TMEM108: variants seen among roughly 807,000 people sequenced by gnomAD.
The protein encoded by TMEM108 is cancer/testis antigen 124.
In TMEM108, 12 loss-of-function variants were observed where a neutral mutation model predicts 35.1. The observed-to-expected ratio is 0.34, with a 90% CI of 0.22 to 0.55. The LOEUF (loss-of-function observed/expected upper bound fraction) is 0.55, where lower values mean the gene tolerates loss of function less well. TMEM108 is among the 20% of genes least tolerant of loss of function. The pLI is 0.89. For missense variants in TMEM108, 680 were observed against 753.3 expected (o/e 0.90, Z 1.14); for synonymous variants, 287 against 308.6 (o/e 0.93, Z 0.73).
At chr3:133,355,155 A>G (rs532979738) in intron 3 of TMEM108, among the ~76,000 whole-genome samples, 1 of 152,330 alleles carries the variant, frequency 6.6e-6, no homozygotes, top group South Asian at 2.1e-4. Context: ...GCATTTGTGA[A>G]TGGTTATAAA....
At chr3:133,108,147 C>G (rs1343262824) in intron 2 of TMEM108, among the ~76,000 whole-genome samples, 2 of 152,148 alleles carry the variant, frequency 1.3e-5, no homozygotes, top group Non-Finnish European at 2.9e-5. Flanking sequence ...AGGAGAATCA[C>G]TTGAACTCGG....
chr3:133,273,444 A>G (rs1946799636), intron 3 of TMEM108, among the ~76,000 whole-genome samples: 1 of 152,168 alleles, frequency 6.6e-6, no homozygotes. Flanking sequence ...TAGTCAAACT[A>G]AACACCACGT....
chr3:133,170,969 TAA>T (rs1477523946), intron 2 of TMEM108, among the ~76,000 whole-genome samples: 1 of 152,198 alleles, frequency 6.6e-6, no homozygotes, highest in East Asian at 1.9e-4. Flanking sequence ...ATTAGGCAAC[TAA>T]AAACAGATAT....
At chr3:133,282,751 A>G (rs561384425) in intron 3 of TMEM108, among the ~76,000 whole-genome samples, 87 of 152,330 alleles carry the variant, frequency 5.7e-4, no homozygotes, top group African/African-American at 2.0e-3. Context: ...TGAAAGGTGA[A>G]GTACATTGCA....
chr3:133,291,171 A>C (rs1487390909), intron 3 of TMEM108, among the ~76,000 whole-genome samples: 1 of 152,204 alleles, frequency 6.6e-6, no homozygotes. Flanking sequence ...CAAAACAAGC[A>C]GTGGGTTGTT....
intron 3 of TMEM108, among the ~76,000 whole-genome samples, chr3:133,306,138 A>G (rs184406767): frequency 2.4e-4 from 37 of 152,240 alleles, no homozygotes; most frequent in African/African-American, 8.4e-4. Flanking sequence ...TGAGTTTTTC[A>G]TTAATGGTTT....
At chr3:133,292,332 G>A (rs1019177750) in intron 3 of TMEM108, among the ~76,000 whole-genome samples, 4 of 152,142 alleles carry the variant, frequency 2.6e-5, no homozygotes, top group Admixed American at 6.5e-5. Flanking sequence ...TCAAATAAAG[G>A]TTTCACTGCT....
At chr3:133,153,305 GAGTTCAGTT>G (rs753780841) in intron 2 of TMEM108, among the ~76,000 whole-genome samples, 307 of 152,204 alleles carry the variant, frequency 2.0e-3, no homozygotes, top group Non-Finnish European at 3.5e-3. Context: ...GTTAATATCT[GAGTTCAGTT>G]GGCTCAAGTG....
intron 2 of TMEM108, among the ~76,000 whole-genome samples, chr3:133,212,881 G>A (rs866765661): frequency 4.0e-4 from 34 of 85,568 alleles, no homozygotes; most frequent in Non-Finnish European, 4.4e-4. Flanking sequence ...AAAAAAAAAA[G>A]GAAAAAAAAA....
At chr3:133,200,915 G>A (rs1429086488) in intron 2 of TMEM108, among the ~76,000 whole-genome samples, 1 of 152,208 alleles carries the variant, frequency 6.6e-6, no homozygotes. Context: ...GTAGCTAGTA[G>A]CTACTCTATT....
At chr3:133,059,451 G>C (rs1177482758) in intron 2 of TMEM108, among the ~76,000 whole-genome samples, 1 of 152,060 alleles carries the variant, frequency 6.6e-6, no homozygotes, top group African/African-American at 2.4e-5. Flanking sequence ...GCCTTTATTT[G>C]TTGAGTTGAA....
At chr3:133,364,531 G>A (rs2107800217) in intron 3 of TMEM108, among the ~76,000 whole-genome samples, 1 of 152,342 alleles carries the variant, frequency 6.6e-6, no homozygotes, top group East Asian at 1.9e-4. Context: ...ATGGAAGGAT[G>A]TGAGAAAATA....
At chr3:133,141,859 C>A (rs1944646201) in intron 2 of TMEM108, among the ~76,000 whole-genome samples, 1 of 152,106 alleles carries the variant, frequency 6.6e-6, no homozygotes, top group Admixed American at 6.6e-5. Flanking sequence ...TAAGACATTA[C>A]AGAAAAAAAT....
chr3:133,330,810 CAG>C (rs1450442120), intron 3 of TMEM108, among the ~76,000 whole-genome samples: 1 of 151,994 alleles, frequency 6.6e-6, no homozygotes, highest in African/African-American at 2.4e-5. Flanking sequence ...AACTTTATAA[CAG>C]AGTATATCAG....
intron 2 of TMEM108, among the ~76,000 whole-genome samples, chr3:133,145,998 C>T (rs1349601378): frequency 1.3e-5 from 2 of 152,144 alleles, no homozygotes; most frequent in Non-Finnish European, 2.9e-5. Flanking sequence ...ACTTCCAATA[C>T]TATGTTGAAT....
At chr3:133,225,343 G>A (rs1401857851) in intron 2 of TMEM108, among the ~76,000 whole-genome samples, 2 of 152,062 alleles carry the variant, frequency 1.3e-5, no homozygotes, top group African/African-American at 4.8e-5. Context: ...ACCGCGCCCA[G>A]CCCCTAATTA....
At chr3:133,100,939 G>A (rs1944079216) in intron 2 of TMEM108, among the ~76,000 whole-genome samples, 1 of 152,080 alleles carries the variant, frequency 6.6e-6, no homozygotes, top group Non-Finnish European at 1.5e-5. Flanking sequence ...CTAGTTGTGT[G>A]TATAATAACT....
intron 3 of TMEM108, among the ~76,000 whole-genome samples, chr3:133,374,941 ACT>A (rs137883986): frequency 0.012 from 1,849 of 152,230 alleles, 18 homozygotes; most frequent in South Asian, 0.021. Flanking sequence ...GAGAGCATAG[ACT>A]CTGCAGCCAA....
At chr3:133,170,403 T>G (rs1945112632) in intron 2 of TMEM108, among the ~76,000 whole-genome samples, 1 of 152,214 alleles carries the variant, frequency 6.6e-6, no homozygotes, top group Non-Finnish European at 1.5e-5. Context: ...AGCTCTGCTG[T>G]AAACTCTAGG....
Sources: gnomAD v4.1 joint callset for allele counts (sites outside exome capture counted in the v4.1 genomes callset) on GRCh38, gnomAD v4.1.1 for gene constraint, MANE v1.5 for transcripts, NCBI Gene and HGNC (gene_info 2026-07-23, HGNC 2026-07-21) for gene names.